SMIM13: variants seen among roughly 807,000 people sequenced by gnomAD.
SMIM13 encodes UPF0766 protein C6orf228.
In SMIM13, 3 loss-of-function variants were observed where a neutral mutation model predicts 5.9. The ratio of observed to expected loss-of-function variants is 0.51; its 90% confidence interval spans 0.23 to 1.31. SMIM13 has a LOEUF of 1.31. SMIM13 is among the 40% of genes most tolerant of loss of function. SMIM13 has a pLI of 0.18. For missense variants in SMIM13, 85 were observed against 109.9 expected, an observed-to-expected ratio of 0.77 and a Z score of 1.01; for synonymous variants, 55 against 46.0, an observed-to-expected ratio of 1.19 and a Z score of -0.79.
rs545293438 is a variant in SMIM13, at chr6:11,106,238, C to T, written c.76+11849C>T. Among the ~76,000 whole-genome samples, 3 of 152,284 alleles carry T rather than the reference C, an allele frequency of 2.0e-5. 1 individual carries two copies. In the East Asian group the frequency reaches 5.8e-4, roughly 29 times the overall value. ...TTTTCAGTCCTTGTGAGGCAGGCTT[C>T]TACCCATCCTGTGAAGGTGTCTACA... On this transcript the variant is annotated intron_variant, in intron 1 of 1. Transcript: ENST00000416247.
At chr6:11,103,642 G>A in intron 1 of SMIM13, 4 of 1,488,182 alleles carry the variant, frequency 2.7e-6, no homozygotes, top group Non-Finnish European at 2.7e-6. Context: ...GGGAGACGGG[G>A]CAGGATTTCG....
At position 11,111,991 on chromosome 6, in the gene SMIM13, AC is replaced by A. The variant is rs547585854; in HGVS notation, c.76+17603del. Among the ~76,000 whole-genome samples the A allele has an allele frequency of 2.3e-3, 354 of 152,246 alleles. 3 individuals are homozygous for A. Among genetic ancestry groups the A allele is most frequent in the African/African-American group, 8.1e-3 (338 of 41,540 alleles). On this transcript the variant is annotated intron_variant, in intron 1 of 1. Coordinates refer to ENST00000416247, the MANE Select transcript of SMIM13 (RefSeq NM_001135575.2). ...CTTCTTAGTGCGCATGCTTGAGCCC[AC>A]TTGCCCAGCTTCGGAGATCTTATCA...
intron 1 of SMIM13, among the ~76,000 whole-genome samples, chr6:11,133,092 T>G (rs1286353536): frequency 2.0e-5 from 3 of 152,324 alleles, no homozygotes; most frequent in Admixed American, 6.5e-5. Context: ...TTGTGAATAT[T>G]CTGTCAGAAC....
At chr6:11,106,348 C>G (rs1028763660) in intron 1 of SMIM13, among the ~76,000 whole-genome samples, 12 of 152,192 alleles carry the variant, frequency 7.9e-5, no homozygotes, top group African/African-American at 2.7e-4. Flanking sequence ...TGTACCTCTC[C>G]TTTGGATTGG....
At chr6:11,095,273 CTT>C (rs1757907939) in intron 1 of SMIM13, among the ~76,000 whole-genome samples, 1 of 152,214 alleles carries the variant, frequency 6.6e-6, no homozygotes, top group African/African-American at 2.4e-5. Context: ...CAAATTAATA[CTT>C]AGTGACGCTG....
At chr6:11,110,664 C>T (rs921028620) in intron 1 of SMIM13, among the ~76,000 whole-genome samples, 5 of 152,108 alleles carry the variant, frequency 3.3e-5, no homozygotes, top group African/African-American at 1.2e-4. Context: ...AATCCCTCTG[C>T]TACAGGAGAA....
chr6:11,106,558 C>T (rs997338666), intron 1 of SMIM13, among the ~76,000 whole-genome samples: 1 of 152,150 alleles, frequency 6.6e-6, no homozygotes, highest in Admixed American at 6.5e-5. Context: ...TTTAGGTAGA[C>T]GGAGAAGTTC....
At chr6:11,116,009 T>C (rs1758234445) in intron 1 of SMIM13, among the ~76,000 whole-genome samples, 1 of 11,362 alleles carries the variant, frequency 8.8e-5, no homozygotes, top group South Asian at 1.9e-3. Context: ...TTCCTTCCTC[T>C]TTTTTTTTTT....
In SMIM13 at chr6:11,129,180, G is replaced by A. The variant is rs547573449; in HGVS notation, c.77-5223G>A. 9.2e-5 allele frequency among the ~76,000 whole-genome samples: 14 copies of A among 151,620 alleles called. No homozygotes were observed. In the East Asian group the frequency reaches 2.7e-3, roughly 29 times the overall value. Reference sequence around the variant, plus strand: ...CCCACTAATCAACCTCTTTTCATCCGCTCCCCACCTCAACACTTCCCGGAC... The same window carrying A: ...CCCACTAATCAACCTCTTTTCATCCACTCCCCACCTCAACACTTCCCGGAC... On this transcript the variant is annotated intron_variant, in intron 1 of 1. Coordinates refer to ENST00000416247, the MANE Select transcript of SMIM13 (RefSeq NM_001135575.2).
At chr6:11,105,020 C>G in intron 1 of SMIM13, 1 of 1,614,182 alleles carries the variant, frequency 6.2e-7, no homozygotes, top group Middle Eastern at 1.6e-4. Flanking sequence ...GGAAATCTTG[C>G]TTTACTGTTG....
At chr6:11,123,279 C>T (rs754773791) in intron 1 of SMIM13, among the ~76,000 whole-genome samples, 1 of 152,136 alleles carries the variant, frequency 6.6e-6, no homozygotes, top group Non-Finnish European at 1.5e-5. Context: ...AGCAAATGAC[C>T]TCAGTTCACG....
intron 1 of SMIM13, among the ~76,000 whole-genome samples, chr6:11,123,310 G>C (rs369951428): frequency 6.6e-6 from 1 of 152,212 alleles, no homozygotes; most frequent in Non-Finnish European, 1.5e-5. Context: ...CCTAGTGCTT[G>C]TCCCTCGTAA....
intron 1 of SMIM13, chr6:11,103,478 A>G (rs978785117): frequency 6.0e-5 from 39 of 650,078 alleles, no homozygotes; most frequent in Non-Finnish European, 8.7e-5. Flanking sequence ...CCAAGACCCA[A>G]TTATCTGGGA....
At position 11,138,340 on chromosome 6, in the gene SMIM13, T is replaced by A. The variant is rs998526368; in HGVS notation, c.*3738T>A. On this transcript the variant is annotated 3_prime_UTR_variant, in exon 2 of 2. Transcript: ENST00000416247. Reference sequence around the variant, plus strand: ...ACTTAAAGTGTAAAGAGTAACATTTTATCTTATGTCAATTAAAGTTACATT... The same window carrying A: ...ACTTAAAGTGTAAAGAGTAACATTTAATCTTATGTCAATTAAAGTTACATT... The A allele has an allele frequency of 5.3e-5, 8 of 152,224 alleles. No homozygotes were observed. The highest frequency in any genetic ancestry group is 1.4e-4 in the African/African-American group (6 of 41,468). 9.4% of individuals were successfully genotyped at this position (152,224 alleles called of 1,614,324 possible).
chr6:11,108,518 C>T (rs1758121472), intron 1 of SMIM13, among the ~76,000 whole-genome samples: 1 of 152,138 alleles, frequency 6.6e-6, no homozygotes, highest in Admixed American at 6.6e-5. Flanking sequence ...TGGGTGTCCC[C>T]ATCAGTTTGG....
intron 1 of SMIM13, among the ~76,000 whole-genome samples, chr6:11,107,491 G>C (rs954336283): frequency 6.6e-6 from 1 of 152,194 alleles, no homozygotes; most frequent in Non-Finnish European, 1.5e-5. Flanking sequence ...GGCTTGCCCA[G>C]ACCAATGGGG....
chr6:11,126,180 T>G (rs936752123), intron 1 of SMIM13, among the ~76,000 whole-genome samples: 1 of 152,052 alleles, frequency 6.6e-6, no homozygotes, highest in East Asian at 1.9e-4. Flanking sequence ...CTCCCGAGTA[T>G]CTGGGACTAC....
At chr6:11,124,514 G>T (rs891427728) in intron 1 of SMIM13, among the ~76,000 whole-genome samples, 7 of 152,030 alleles carry the variant, frequency 4.6e-5, no homozygotes, top group Admixed American at 1.3e-4. Context: ...GGTAGGTGGG[G>T]AAATACCTAG....
chr6:11,123,310 G>T (rs369951428), intron 1 of SMIM13, among the ~76,000 whole-genome samples: 19 of 152,330 alleles, frequency 1.2e-4, no homozygotes, highest in African/African-American at 4.1e-4. Context: ...CCTAGTGCTT[G>T]TCCCTCGTAA....
Sources: gnomAD v4.1 joint callset for allele counts (sites outside exome capture counted in the v4.1 genomes callset) on GRCh38, gnomAD v4.1.1 for gene constraint, MANE v1.5 for transcripts, NCBI Gene and HGNC (gene_info 2026-07-23, HGNC 2026-07-21) for gene names.